Variants in KIAA1958 observed in about 807,000 individuals in gnomAD.
The protein encoded by KIAA1958 is KIAA1958.
A neutral mutation model predicts 47.2 loss-of-function variants in KIAA1958; 14 were observed. That is an observed-to-expected ratio of 0.30 (90% confidence interval 0.20 to 0.46). KIAA1958 has a LOEUF of 0.46. KIAA1958 is among the 20% of genes least tolerant of loss of function. The pLI, the probability that KIAA1958 is intolerant of heterozygous loss-of-function variation, is 1.00. For synonymous variants in KIAA1958, 354 were observed against 353.3 expected (o/e 1.00, Z -0.02); for missense variants, 803 against 909.2 (o/e 0.88, Z 1.50).
In KIAA1958 at chr9:112,523,444, T is replaced by TTAAATAAATAAA. The variant is rs34030752; in HGVS notation, c.-25+36339_-25+36350dup. On this transcript the variant is annotated intron_variant, in intron 1 of 3. Transcript: ENST00000337530. ...CCAGCCTGAGTGACAAAGTGTCTTA[T>TTAAATAAATAAA]TAAATAAATAAATAAATAAATAAAG... Among the ~76,000 whole-genome samples, 442 of 150,242 alleles carry TTAAATAAATAAA rather than the reference T, an allele frequency of 2.9e-3. 1 individual carries two copies. Among genetic ancestry groups the TTAAATAAATAAA allele is most frequent in the East Asian group, 6.9e-3 (35 of 5,078 alleles).
chr9:112,632,702 C>G (rs778389833), intron 2 of KIAA1958, among the ~76,000 whole-genome samples: 8 of 151,990 alleles, frequency 5.3e-5, no homozygotes, highest in Non-Finnish European at 1.2e-4. Context: ...TTTGTAGGAG[C>G]TTTTCATATG....
chr9:112,542,370 G>A (rs1435277250), intron 1 of KIAA1958, among the ~76,000 whole-genome samples: 1 of 151,842 alleles, frequency 6.6e-6, no homozygotes, highest in Non-Finnish European at 1.5e-5. Flanking sequence ...TTTCCCAATA[G>A]GGTAAAGAAG....
At position 112,664,592 on chromosome 9, in the gene KIAA1958, T is replaced by C. The variant is rs1276719109; in HGVS notation, c.*4523T>C. ...GTATGTATTAAATGTTTCAAACTTG[T>C]ATATATTTTTGAATGCTTTTGTTTT... On this transcript the variant is annotated 3_prime_UTR_variant, in exon 4 of 4. Transcript: ENST00000337530. The C allele has an allele frequency of 1.3e-5, 2 of 152,260 alleles. No homozygotes were observed. Among genetic ancestry groups the C allele is most frequent in the East Asian group, 3.8e-4 (2 of 5,202 alleles). 9.4% of individuals were successfully genotyped at this position (152,260 alleles called of 1,614,324 possible).
rs115262213 is a variant in KIAA1958 at position 112,608,382 on chromosome 9, G to C, written c.1171+33131G>C. The stretch of plus-strand genomic sequence containing the variant: ...ATGATTAAAAGCTAACAATTACATA[G>C]ACCAAGAAAAATAATGTAATGGAAA... On this transcript the variant is annotated intron_variant, in intron 2 of 3. Coordinates refer to ENST00000337530, the MANE Select transcript of KIAA1958 (RefSeq NM_133465.4). Among the ~76,000 whole-genome samples the C allele has an allele frequency of 4.0e-3, 602 of 152,214 alleles. 2 individuals carry two copies. The highest frequency in any genetic ancestry group is 0.014 in the African/African-American group (574 of 41,554).
intron 1 of KIAA1958, among the ~76,000 whole-genome samples, chr9:112,526,254 G>T (rs900461414): frequency 1.1e-4 from 2 of 18,126 alleles, no homozygotes; most frequent in African/African-American, 5.1e-4. Context: ...TTGAAACTGG[G>T]TAATTTTTTT....
At chr9:112,497,405 CTG>C (rs1445750323) in intron 1 of KIAA1958, among the ~76,000 whole-genome samples, 1 of 152,116 alleles carries the variant, frequency 6.6e-6, no homozygotes, top group Non-Finnish European at 1.5e-5. Context: ...GGAAAAAACT[CTG>C]TGAAGGAAAC....
intron 1 of KIAA1958, among the ~76,000 whole-genome samples, chr9:112,568,069 A>C (rs536579667): frequency 6.6e-6 from 1 of 152,284 alleles, no homozygotes; most frequent in African/African-American, 2.4e-5. Flanking sequence ...AGAAACATAA[A>C]AACACAGCAG....
intron 1 of KIAA1958, among the ~76,000 whole-genome samples, chr9:112,542,619 A>G (rs957927314): frequency 6.6e-6 from 1 of 152,212 alleles, no homozygotes; most frequent in African/African-American, 2.4e-5. Flanking sequence ...TAAATTTGGT[A>G]TCTTCAGTGA....
At chr9:112,500,943 G>A (rs1345507644) in intron 1 of KIAA1958, among the ~76,000 whole-genome samples, 3 of 149,146 alleles carry the variant, frequency 2.0e-5, no homozygotes, top group African/African-American at 5.0e-5. Context: ...GACCCCCATC[G>A]CTACAAAAAA....
rs1489713499 is a variant in KIAA1958, at chr9:112,660,081, G to A, written c.*12G>A. Reference sequence around the variant, plus strand: ...GCTGCTGCCAGTGAGCCCCCACTGGGGCCCGGCCACTGCCCTGTCACCTGC... The same window carrying A: ...GCTGCTGCCAGTGAGCCCCCACTGGAGCCCGGCCACTGCCCTGTCACCTGC... On this transcript the variant is annotated 3_prime_UTR_variant, in exon 4 of 4. Coordinates refer to ENST00000337530, the MANE Select transcript of KIAA1958 (RefSeq NM_133465.4). 1.9e-6 allele frequency: 3 copies of A among 1,608,304 alleles called. No homozygotes were observed. Among genetic ancestry groups the A allele is most frequent in the East Asian group, 2.2e-5 (1 of 44,874 alleles).
intron 1 of KIAA1958, among the ~76,000 whole-genome samples, chr9:112,535,925 C>T (rs984144468): frequency 6.6e-6 from 1 of 152,118 alleles, no homozygotes; most frequent in African/African-American, 2.4e-5. Context: ...TTGTTTTAGT[C>T]AGTTCTGACT....
intron 1 of KIAA1958, among the ~76,000 whole-genome samples, chr9:112,547,312 AG>A (rs1835056793): frequency 7.1e-6 from 1 of 141,472 alleles, no homozygotes; most frequent in Non-Finnish European, 1.5e-5. Flanking sequence ...CAAGAGATGG[AG>A]GTTGCAGTGA....
chr9:112,495,535 G>T (rs1219643912), intron 1 of KIAA1958, among the ~76,000 whole-genome samples: 1 of 152,218 alleles, frequency 6.6e-6, no homozygotes, highest in Non-Finnish European at 1.5e-5. Flanking sequence ...GAGGATGTAG[G>T]ATAGCTGAAA....
chr9:112,562,941 C>T (rs1835360072), intron 1 of KIAA1958, among the ~76,000 whole-genome samples: 1 of 148,716 alleles, frequency 6.7e-6, no homozygotes, highest in Admixed American at 6.7e-5. Context: ...GCTGAGATTA[C>T]AGGCATGAGC....
At chr9:112,500,555 GC>G (rs1276080631) in intron 1 of KIAA1958, among the ~76,000 whole-genome samples, 1 of 151,640 alleles carries the variant, frequency 6.6e-6, no homozygotes, top group African/African-American at 2.4e-5. Flanking sequence ...CTCCCAAAGT[GC>G]TGGGATTATA....
In KIAA1958 at chr9:112,569,275, C is replaced by T. The variant is rs921782593; in HGVS notation, c.-24-4782C>T. Among the ~76,000 whole-genome samples, 25 of 152,298 alleles carry T rather than the reference C, an allele frequency of 1.6e-4. No homozygotes were observed. The East Asian group carries it at 4.0e-3, about 25-fold the overall frequency. On this transcript the variant is annotated intron_variant, in intron 1 of 3. Coordinates refer to ENST00000337530, the MANE Select transcript of KIAA1958 (RefSeq NM_133465.4). ...TGTGAGTAGGTGGAAATTCATTCTA[C>T]ATGTACTCATACAGAGACCACAAAT...
At chr9:112,607,539 TGAGTA>T (rs775747995) in intron 2 of KIAA1958, among the ~76,000 whole-genome samples, 2 of 151,848 alleles carry the variant, frequency 1.3e-5, no homozygotes, top group Non-Finnish European at 2.9e-5. Flanking sequence ...GAGGCAGAGC[TGAGTA>T]AAGAAACACC....
chr9:112,579,981 A>G (rs2131179656), intron 2 of KIAA1958, among the ~76,000 whole-genome samples: 1 of 152,284 alleles, frequency 6.6e-6, no homozygotes, highest in East Asian at 1.9e-4. Context: ...CCTCCCTATT[A>G]GATTCACCTG....
In KIAA1958 at chr9:112,666,343, T is replaced by C. The variant is rs1338890768; in HGVS notation, c.*6274T>C. ...CAATAGGTTATATGAAACTCTGAGATCATCTAGTCAAATTCCCCCATTTTA... is the reference window on the plus strand; with the variant it reads ...CAATAGGTTATATGAAACTCTGAGACCATCTAGTCAAATTCCCCCATTTTA... On this transcript the variant is annotated 3_prime_UTR_variant, in exon 4 of 4. Coordinates refer to ENST00000337530, the MANE Select transcript of KIAA1958 (RefSeq NM_133465.4). 1 of 152,176 alleles carries C rather than the reference T, an allele frequency of 6.6e-6. No homozygotes were observed. The highest frequency in any genetic ancestry group is 1.5e-5 in the Non-Finnish European group (1 of 68,032). 9.4% of individuals were successfully genotyped at this position (152,176 alleles called of 1,614,324 possible). A position where few individuals can be genotyped will look rare whatever the true frequency, so the allele number is the denominator to read the frequency against.
Sources: gnomAD v4.1 joint callset for allele counts (sites outside exome capture counted in the v4.1 genomes callset) on GRCh38, gnomAD v4.1.1 for gene constraint, MANE v1.5 for transcripts, NCBI Gene and HGNC (gene_info 2026-07-23, HGNC 2026-07-21) for gene names.